The following MTCL2 variants were observed in gnomAD, a reference collection of about 807,000 sequenced individuals.
The protein encoded by MTCL2 is microtubule cross-linking factor 2.
chr20:36,862,861 G>A, the MTCL2 span: 3 of 1,229,960 alleles, frequency 2.4e-6, no homozygotes, highest in Non-Finnish European at 2.0e-6. Context: ...GAGGGCGCGG[G>A]CTGGGCCGGC....
At chr20:36,842,831 C>T in the MTCL2 span, among the ~76,000 whole-genome samples, 1 of 152,052 alleles carries the variant, frequency 6.6e-6, no homozygotes, top group African/African-American at 2.4e-5. Context: ...TAAAGGCATC[C>T]CTGAGGAGCC....
chr20:36,831,843 G>A, the MTCL2 span, among the ~76,000 whole-genome samples: 5 of 152,224 alleles, frequency 3.3e-5, no homozygotes, highest in Admixed American at 3.3e-4. Flanking sequence ...CCCAGGTTAA[G>A]TTATTTAAAC....
chr20:36,861,296 C>CA, the MTCL2 span, among the ~76,000 whole-genome samples: 1 of 152,180 alleles, frequency 6.6e-6, no homozygotes, highest in Non-Finnish European at 1.5e-5. Flanking sequence ...GACTGAACTC[C>CA]CAGTTGCCAA....
At chr20:36,801,764 G>A in the MTCL2 span, among the ~76,000 whole-genome samples, 1 of 151,866 alleles carries the variant, frequency 6.6e-6, no homozygotes, top group Non-Finnish European at 1.5e-5. Context: ...TCAGGAGTTC[G>A]AGACCAGCCT....
chr20:36,801,741 G>A, the MTCL2 span, among the ~76,000 whole-genome samples: 1 of 152,032 alleles, frequency 6.6e-6, no homozygotes, highest in Admixed American at 6.6e-5. Flanking sequence ...CGAGGCGGGC[G>A]GATCACCTGA....
chr20:36,797,107 C>T, the MTCL2 span, among the ~76,000 whole-genome samples: 3 of 152,086 alleles, frequency 2.0e-5, no homozygotes, highest in South Asian at 2.1e-4. Context: ...TTTCTGGCTG[C>T]CCTGCATCCA....
chr20:36,785,177 G>C, the MTCL2 span: 1 of 985,392 alleles, frequency 1.0e-6, no homozygotes. Flanking sequence ...TGGGGTGCAG[G>C]GCTCCAGCTC....
At chr20:36,859,503 C>T in the MTCL2 span, 1 of 985,524 alleles carries the variant, frequency 1.0e-6, no homozygotes, top group Non-Finnish European at 1.3e-6. Context: ...CACAAACCCT[C>T]TATCTTTATC....
chr20:36,850,912 TGGA>T, the MTCL2 span, among the ~76,000 whole-genome samples: 1 of 152,096 alleles, frequency 6.6e-6, no homozygotes, highest in Non-Finnish European at 1.5e-5. Flanking sequence ...ACCTGCAACA[TGGA>T]GGAAGCTCAC....
the MTCL2 span, among the ~76,000 whole-genome samples, chr20:36,814,749 T>C: frequency 2.0e-5 from 3 of 152,058 alleles, no homozygotes. Context: ...TAGCCAGGCA[T>C]GATGGAGGGC....
the MTCL2 span, among the ~76,000 whole-genome samples, chr20:36,844,406 T>A: frequency 0.014 from 2,069 of 149,126 alleles, 16 homozygotes; most frequent in Admixed American, 0.02. Flanking sequence ...AAAAAAATAA[T>A]AATAATAATA....
chr20:36,833,477 T>G, the MTCL2 span, among the ~76,000 whole-genome samples: 1 of 152,348 alleles, frequency 6.6e-6, no homozygotes, highest in South Asian at 2.1e-4. Flanking sequence ...CAGCCCCTGC[T>G]CCCCAGGCAT....
the MTCL2 span, among the ~76,000 whole-genome samples, chr20:36,823,151 A>G: frequency 6.6e-6 from 1 of 152,218 alleles, no homozygotes; most frequent in East Asian, 1.9e-4. Context: ...ATGGCCACAG[A>G]GAGAGGCCAT....
the MTCL2 span, chr20:36,812,646 A>G: frequency 1.9e-5 from 31 of 1,592,146 alleles, no homozygotes; most frequent in Admixed American, 3.4e-5. Context: ...TCTGCTTTTG[A>G]CAGGGCTCAG....
chr20:36,785,734 T>C, the MTCL2 span: 1 of 985,480 alleles, frequency 1.0e-6, no homozygotes, highest in Non-Finnish European at 1.2e-6. Context: ...CTGGGAACGT[T>C]GGGGCCCCAA....
chr20:36,834,162 CAAAAAAAA>C, the MTCL2 span, among the ~76,000 whole-genome samples: 1 of 100,684 alleles, frequency 9.9e-6, no homozygotes, highest in East Asian at 4.3e-4. Flanking sequence ...GACTTCATCT[CAAAAAAAA>C]AAAAAAAAAG....
chr20:36,796,766 G>T, the MTCL2 span: 2 of 964,556 alleles, frequency 2.1e-6, no homozygotes, highest in Non-Finnish European at 3.2e-6. Flanking sequence ...GCAAAGGGGC[G>T]GGGCAGGGCT....
At chr20:36,803,574 T>C in the MTCL2 span, among the ~76,000 whole-genome samples, 2 of 151,516 alleles carry the variant, frequency 1.3e-5, no homozygotes, top group African/African-American at 4.9e-5. Context: ...AATATGCAGA[T>C]GGAGGGAGCT....
At chr20:36,814,951 C>T in the MTCL2 span, among the ~76,000 whole-genome samples, 1 of 152,048 alleles carries the variant, frequency 6.6e-6, no homozygotes, top group Non-Finnish European at 1.5e-5. Flanking sequence ...GTCCCAGGTA[C>T]TCAGGAGAGT....
Sources: allele counts gnomAD v4.1 joint callset (sites outside exome capture counted in the v4.1 genomes callset), GRCh38; gene constraint gnomAD v4.1.1; transcripts MANE v1.5; gene names NCBI Gene and HGNC (gene_info 2026-07-23, HGNC 2026-07-21).